Variants in SIPA1L1 observed in about 807,000 individuals in gnomAD.
SIPA1L1 encodes signal induced proliferation associated 1 like 1, also known as signal-induced proliferation-associated 1-like protein 1.
In SIPA1L1, 26 loss-of-function variants were observed where a neutral mutation model predicts 162.7. The observed-to-expected ratio is 0.16, with a 90% confidence interval of 0.12 to 0.22. The LOEUF (loss-of-function observed/expected upper bound fraction) is 0.22, where lower values mean the gene tolerates loss of function less well. Among genes scored for constraint, SIPA1L1 ranks in the 10% least tolerant of loss-of-function variants. SIPA1L1 has a pLI of 1.00. For missense variants in SIPA1L1, 1,874 were observed against 2,241.0 expected, an observed-to-expected ratio of 0.84 and a Z score of 3.31; for synonymous variants, 829 against 837.4, an observed-to-expected ratio of 0.99 and a Z score of 0.17.
chr14:71,635,503 A>C (rs2041048076), intron 7 of SIPA1L1, among the ~76,000 whole-genome samples: 1 of 152,220 alleles, frequency 6.6e-6, no homozygotes, highest in Non-Finnish European at 1.5e-5. Context: ...AGAGAGGTAA[A>C]GTTTCTACAC....
intron 4 of SIPA1L1, among the ~76,000 whole-genome samples, chr14:71,560,346 G>T (rs1268191951): frequency 6.6e-6 from 1 of 152,162 alleles, no homozygotes; most frequent in Non-Finnish European, 1.5e-5. Flanking sequence ...TGCCACAAGA[G>T]ACCCTGGAGC....
Position 71,467,876 on chromosome 14 carries a change from A to T in SIPA1L1, c.-464-44867A>T, listed in dbSNP as rs932303210. Among the ~76,000 whole-genome samples the T allele has an allele frequency of 5.9e-5, 9 of 151,982 alleles. No individual in the cohort carries two copies. The East Asian group carries it at 1.7e-3, about 29-fold the overall frequency. ...TTAAAAAAAAAAAAAAAAAGAAAGA[A>T]AAAGTATTGGCTTCTATCATTTACC... On this transcript the variant is annotated intron_variant, in intron 2 of 23. Coordinates refer to ENST00000381232, the MANE Select transcript of SIPA1L1 (RefSeq NM_001386936.1).
At chr14:71,498,653 A>C (rs142215504) in intron 2 of SIPA1L1, among the ~76,000 whole-genome samples, 66 of 152,276 alleles carry the variant, frequency 4.3e-4, no homozygotes, top group African/African-American at 1.3e-3. Context: ...TACATATTCT[A>C]CTATTTTCAG....
Position 71,624,202 on chromosome 14 carries a change from T to C in SIPA1L1, c.1784T>C (p.Val595Ala). ...CLRLAFNTPK[V>A]TEQLMKLDEQ... Reference sequence around the variant, plus strand: ...CGGTTGGCCTTCAACACACCCAAGGTCACAGAGCAGCTCATGAAACTGGAT... The same window carrying C: ...CGGTTGGCCTTCAACACACCCAAGGCCACAGAGCAGCTCATGAAACTGGAT... Residue 595 changes from valine (V) to alanine (A), a missense_variant, in exon 7 of 24, where the codon GTC (valine) becomes GCC (alanine). By Grantham distance (64) the Val-to-Ala change is moderately conservative. Around this residue, in one of 5 missense-constraint regions of SIPA1L1, gnomAD observed 685 missense variants for 828.0 expected, o/e 0.83. Transcript: ENST00000381232. 1 of 1,613,798 alleles carries C rather than the reference T, an allele frequency of 6.2e-7. No individual in the cohort carries two copies. Among genetic ancestry groups the C allele is most frequent in the Non-Finnish European group, 8.5e-7 (1 of 1,179,770 alleles).
At chr14:71,724,610 C>A in intron 18 of SIPA1L1, 60 bp from the exon 19 acceptor site, 1 of 1,418,310 alleles carries the variant, frequency 7.1e-7, no homozygotes, top group Non-Finnish European at 9.7e-7. Context: ...TAGAGCCCAT[C>A]ATGCCCTTGA....
intron 22 of SIPA1L1, among the ~76,000 whole-genome samples, chr14:71,737,839 C>T (rs1035334294): frequency 6.6e-6 from 1 of 152,142 alleles, no homozygotes; most frequent in African/African-American, 2.4e-5. Context: ...CCTTCCCACA[C>T]ACAGGGGAGT....
intron 4 of SIPA1L1, among the ~76,000 whole-genome samples, chr14:71,530,367 G>A (rs1229589186): frequency 1.3e-5 from 2 of 149,304 alleles, no homozygotes; most frequent in African/African-American, 2.5e-5. Context: ...AAGGTTTTGC[G>A]TCCTGATCGA....
intron 2 of SIPA1L1, 90 bp from the exon 3 acceptor site, chr14:71,512,653 T>TG (rs1413552393): frequency 2.0e-5 from 1 of 49,208 alleles, no homozygotes; most frequent in Non-Finnish European, 3.7e-5. Context: ...CTTTTGTGTG[T>TG]GGGGGGAAGC....
At chr14:71,716,061 C>T (rs764439804) in intron 17 of SIPA1L1, among the ~76,000 whole-genome samples, 40 of 152,194 alleles carry the variant, frequency 2.6e-4, no homozygotes, top group Non-Finnish European at 1.6e-4. Flanking sequence ...TGTTAAATTT[C>T]TGCCTTTTAT....
chr14:71,346,368 G>C (rs1269073934), intron 2 of SIPA1L1, among the ~76,000 whole-genome samples: 3 of 152,192 alleles, frequency 2.0e-5, no homozygotes, highest in African/African-American at 4.8e-5. Flanking sequence ...AATTTGACTA[G>C]TTAATTCATG....
chr14:71,651,573 T>G (rs1431020781), intron 8 of SIPA1L1, among the ~76,000 whole-genome samples: 2 of 152,210 alleles, frequency 1.3e-5, no homozygotes, highest in Non-Finnish European at 2.9e-5. Flanking sequence ...CAGTATGTCC[T>G]TAAACTCTTT....
intron 7 of SIPA1L1, among the ~76,000 whole-genome samples, chr14:71,637,376 T>C (rs2041268466): frequency 6.6e-6 from 1 of 152,154 alleles, no homozygotes; most frequent in African/African-American, 2.4e-5. Flanking sequence ...TTACATTGTA[T>C]TGTCATAATC....
chr14:71,338,069 AG>A (rs1193466649), intron 2 of SIPA1L1, among the ~76,000 whole-genome samples: 2 of 152,216 alleles, frequency 1.3e-5, no homozygotes, highest in African/African-American at 4.8e-5. Context: ...TCTGGGCACC[AG>A]CCCCTGAACA....
intron 4 of SIPA1L1, among the ~76,000 whole-genome samples, chr14:71,532,546 C>T (rs977817411): frequency 6.6e-6 from 1 of 152,172 alleles, no homozygotes; most frequent in East Asian, 1.9e-4. Context: ...GTCTTGCTCT[C>T]CGCACCCTTG....
At chr14:71,389,778 C>T (rs2040601795) in intron 2 of SIPA1L1, among the ~76,000 whole-genome samples, 1 of 152,176 alleles carries the variant, frequency 6.6e-6, no homozygotes, top group Non-Finnish European at 1.5e-5. Flanking sequence ...AGTAGAGACT[C>T]ATCGTCAGGA....
At chr14:71,354,972 G>A (rs1057089738) in intron 2 of SIPA1L1, among the ~76,000 whole-genome samples, 6 of 152,164 alleles carry the variant, frequency 3.9e-5, no homozygotes, top group Admixed American at 2.0e-4. Flanking sequence ...ACTAACATTA[G>A]TGAGACTTGT....
At position 71,646,567 on chromosome 14, in the gene SIPA1L1, AGTAAGTGTTGAAAGACCC is replaced by A. The variant is rs1219080145; in HGVS notation, c.1819-3767_1819-3750del. Among the ~76,000 whole-genome samples, 10 of 152,340 alleles carry A rather than the reference AGTAAGTGTTGAAAGACCC, an allele frequency of 6.6e-5. No homozygotes were observed. In the East Asian group the frequency reaches 1.9e-3, roughly 29 times the overall value. On this transcript the variant is annotated intron_variant, in intron 7 of 23. Coordinates refer to ENST00000381232, the MANE Select transcript of SIPA1L1 (RefSeq NM_001386936.1). Reference sequence around the variant, plus strand: ...AGCTGTGGAAGCTCACAACACTTTTAGTAAGTGTTGAAAGACCCCTTTACTTTGTTGAGATTTAAGACC... The same window carrying A: ...AGCTGTGGAAGCTCACAACACTTTTACTTTACTTTGTTGAGATTTAAGACC...
chr14:71,362,554 G>A (rs980175490), intron 2 of SIPA1L1, among the ~76,000 whole-genome samples: 1 of 152,210 alleles, frequency 6.6e-6, no homozygotes, highest in South Asian at 2.1e-4. Context: ...GTTTCCTGCA[G>A]AAACCATTTG....
At chr14:71,685,238 G>A in intron 12 of SIPA1L1, 124 bp from the exon 13 acceptor site, 1 of 1,043,788 alleles carries the variant, frequency 9.6e-7, no homozygotes. Context: ...AAGATTGAAA[G>A]GTGGTTTGAA....
Sources: gnomAD v4.1 joint callset for allele counts (sites outside exome capture counted in the v4.1 genomes callset) on GRCh38, gnomAD v4.1.1 for gene constraint, gnomAD v4.1.1 regional missense constraint, MANE v1.5 for transcripts, NCBI Gene and HGNC (gene_info 2026-07-23, HGNC 2026-07-21) for gene names.